Variants in KLRF1 observed in about 807,000 individuals in gnomAD.
KLRF1 encodes killer cell lectin like receptor F1.
A neutral mutation model predicts 30.7 loss-of-function variants in KLRF1; 27 were observed. That is an observed-to-expected ratio of 0.88 (90% CI 0.65 to 1.21). KLRF1 has a LOEUF of 1.21. KLRF1 is among the 50% of genes most tolerant of loss of function. The pLI is 0.00. For synonymous variants in KLRF1, 92 were observed against 89.3 expected (o/e 1.03, Z -0.17); for missense variants, 246 against 259.3 (o/e 0.95, Z 0.35).
At chr12:9,818,035 A>G in the KLRF1 span, 1 of 214,030 alleles carries the variant, frequency 4.7e-6, no homozygotes, top group Middle Eastern at 5.0e-4. Flanking sequence ...CACCATCACT[A>G]ATAACTATTG....
the KLRF1 span, among the ~76,000 whole-genome samples, chr12:9,807,718 AAAGT>A: frequency 1.3e-5 from 2 of 152,262 alleles, no homozygotes; most frequent in South Asian, 4.1e-4. Flanking sequence ...TATTTCTTAC[AAAGT>A]AAGTCTGCTA....
intron 3 of KLRF1, among the ~76,000 whole-genome samples, chr12:9,836,057 G>A (rs1867568859): frequency 6.6e-6 from 1 of 151,994 alleles, no homozygotes; most frequent in Non-Finnish European, 1.5e-5. Flanking sequence ...TGGAAGAAAG[G>A]GAAATGCAAA....
rs374833902 is a variant in KLRF1, at chr12:9,833,415, T to C, written c.297T>C (p.Asn99=). The C allele has an allele frequency of 6.2e-7, 1 of 1,611,760 alleles. No individual in the cohort carries two copies. The highest frequency in any genetic ancestry group is 1.1e-5 in the South Asian group (1 of 90,834). ...ATGGCACAAGAAGAAATATAAGTAA[T>C]AAGGACCTTTGTGCTTCGAGATCTG... ...VNNGTRRNIS[N]KDLCASRSAD... is the part of the protein sequence containing the mutation. Residue 99 remains asparagine, a synonymous_variant, in exon 3 of 6, where the codon AAT becomes AAC. Coordinates refer to ENST00000617889, the MANE Select transcript of KLRF1 (RefSeq NM_016523.3).
At chr12:9,813,360 G>C in the KLRF1 span, among the ~76,000 whole-genome samples, 1 of 152,150 alleles carries the variant, frequency 6.6e-6, no homozygotes, top group Non-Finnish European at 1.5e-5. Flanking sequence ...AGGCTGGAGT[G>C]CGGTGGTATG....
At chr12:9,814,653 G>A in the KLRF1 span, among the ~76,000 whole-genome samples, 2 of 152,192 alleles carry the variant, frequency 1.3e-5, no homozygotes, top group Non-Finnish European at 2.9e-5. Context: ...GGTTGGACCC[G>A]CAAAGCCTGG....
upstream of KLRF1, among the ~76,000 whole-genome samples, chr12:9,824,334 A>C (rs1262617332): frequency 6.6e-6 from 1 of 152,154 alleles, no homozygotes; most frequent in African/African-American, 2.4e-5. Context: ...CTCAATAAAT[A>C]TGACTCATTT....
At chr12:9,819,532 C>G in the KLRF1 span, among the ~76,000 whole-genome samples, 1 of 152,160 alleles carries the variant, frequency 6.6e-6, no homozygotes. Context: ...GGGAGGCTGC[C>G]AGACTGTTTT....
intron 3 of KLRF1, among the ~76,000 whole-genome samples, chr12:9,834,390 G>T (rs1387071779): frequency 1.3e-5 from 2 of 152,004 alleles, no homozygotes; most frequent in East Asian, 3.9e-4. Context: ...GTATTGAAGT[G>T]TTGGGGCAGC....
upstream of KLRF1, among the ~76,000 whole-genome samples, chr12:9,824,055 G>A (rs761328303): frequency 2.6e-5 from 4 of 152,110 alleles, no homozygotes; most frequent in Non-Finnish European, 4.4e-5. Flanking sequence ...GTACAGAGCT[G>A]GTACCATTCC....
chr12:9,840,300 C>T (rs1160776846), intron 3 of KLRF1, among the ~76,000 whole-genome samples: 1 of 151,982 alleles, frequency 6.6e-6, no homozygotes, highest in Non-Finnish European at 1.5e-5. Flanking sequence ...GTATTAAAAG[C>T]CACAGCACTT....
chr12:9,815,395 G>A, the KLRF1 span, among the ~76,000 whole-genome samples: 3 of 152,244 alleles, frequency 2.0e-5, no homozygotes, highest in African/African-American at 7.2e-5. Context: ...GATTTGACAA[G>A]AGGACTCTGG....
chr12:9,813,772 G>A, the KLRF1 span, among the ~76,000 whole-genome samples: 1 of 152,284 alleles, frequency 6.6e-6, no homozygotes, highest in African/African-American at 2.4e-5. Context: ...GGAGCCCAGA[G>A]ACTTCTTAGT....
the KLRF1 span, among the ~76,000 whole-genome samples, chr12:9,816,288 G>A: frequency 1.3e-5 from 2 of 152,218 alleles, no homozygotes; most frequent in Non-Finnish European, 2.9e-5. Context: ...GGGAAAAGGA[G>A]ACAATTTTCA....
In KLRF1 at chr12:9,832,333, C is replaced by A; in HGVS notation, c.103C>A (p.His35Asn). The change falls in exon 2 of 6, where the codon CAC (histidine) becomes AAC (asparagine). Residue 35 changes from histidine to asparagine, a missense_variant. By Grantham distance (68) the His-to-Asn change is moderately conservative. Coordinates refer to ENST00000617889, the MANE Select transcript of KLRF1 (RefSeq NM_016523.3). ...LTFKDYSVTL[H>N]WYKILLGISG... Reference sequence around the variant, plus strand: ...TGTCTCAGATTATTCAGTGACGTTGCACTGGTATAAAATCTTACTGGGAAT... The same window carrying A: ...TGTCTCAGATTATTCAGTGACGTTGAACTGGTATAAAATCTTACTGGGAAT... 1 of 1,599,184 alleles carries A rather than the reference C, an allele frequency of 6.3e-7. No homozygotes were observed. Among genetic ancestry groups the A allele is most frequent in the Non-Finnish European group, 8.6e-7 (1 of 1,167,208 alleles).
intron 1 of KLRF1, among the ~76,000 whole-genome samples, chr12:9,829,718 C>T (rs183096979): frequency 6.6e-6 from 1 of 152,270 alleles, no homozygotes; most frequent in East Asian, 1.9e-4. Flanking sequence ...CTAATGGTGC[C>T]ACTGCACTCC....
chr12:9,805,028 T>G, the KLRF1 span, among the ~76,000 whole-genome samples: 1 of 152,134 alleles, frequency 6.6e-6, no homozygotes, highest in East Asian at 1.9e-4. Context: ...AATATTTTAT[T>G]GACAATTTTT....
At chr12:9,821,313 C>A in the KLRF1 span, among the ~76,000 whole-genome samples, 3 of 152,214 alleles carry the variant, frequency 2.0e-5, no homozygotes, top group Middle Eastern at 3.4e-3. Context: ...CAGGGGCAAC[C>A]AAAAGCCCAT....
chr12:9,834,012 C>T (rs1867512906), intron 3 of KLRF1, among the ~76,000 whole-genome samples: 2 of 145,408 alleles, frequency 1.4e-5, no homozygotes, highest in Non-Finnish European at 3.0e-5. Context: ...GGGGTGAGGC[C>T]GTTTTATAGG....
chr12:9,838,640 A>G (rs1002413684), intron 3 of KLRF1, among the ~76,000 whole-genome samples: 1 of 152,140 alleles, frequency 6.6e-6, no homozygotes, highest in African/African-American at 2.4e-5. Context: ...GTGGTCTGTT[A>G]TAGCTGACTT....
Sources: gnomAD v4.1 joint callset for allele counts (sites outside exome capture counted in the v4.1 genomes callset) on GRCh38, gnomAD v4.1.1 for gene constraint, MANE v1.5 for transcripts, NCBI Gene and HGNC (gene_info 2026-07-23, HGNC 2026-07-21) for gene names.